ZBTB46: variants seen among roughly 807,000 people sequenced by gnomAD.
The protein encoded by ZBTB46 is zinc finger and BTB domain-containing protein 46.
Under a neutral mutation model 44.1 loss-of-function variants are expected in ZBTB46, and 8 were observed. The ratio of observed to expected loss-of-function variants is 0.18; its 90% confidence interval spans 0.11 to 0.33. ZBTB46 has a LOEUF of 0.33. Among genes scored for constraint, ZBTB46 ranks in the 10% least tolerant of loss-of-function variants. The probability of loss-of-function intolerance (pLI) is 1.00; values close to 1 mark genes in which losing one functional copy is unlikely to be tolerated. For missense variants in ZBTB46, 651 were observed against 847.7 expected (o/e 0.77, Z 2.88); for synonymous variants, 409 against 382.3 (o/e 1.07, Z -0.81).
At chr20:63,795,335 T>C (rs4809229) in intron 1 of ZBTB46, among the ~76,000 whole-genome samples, 27,465 of 152,216 alleles carry the variant, frequency 0.18, 3,090 homozygotes, top group East Asian at 0.44. Context: ...CGCATGGCTC[T>C]GCCTCAACCG....
intron 1 of ZBTB46, among the ~76,000 whole-genome samples, chr20:63,799,653 A>T (rs1324256150): frequency 3.3e-5 from 5 of 152,196 alleles, no homozygotes; most frequent in Non-Finnish European, 5.9e-5. Flanking sequence ...TAGCCTGGTG[A>T]AACTAATCTT....
intron 1 of ZBTB46, among the ~76,000 whole-genome samples, chr20:63,793,887 G>GA (rs1386555192): frequency 6.6e-6 from 1 of 152,098 alleles, no homozygotes; most frequent in Non-Finnish European, 1.5e-5. Context: ...TTTCATTTGG[G>GA]AAAAAAGTTA....
rs1204292916 is a variant in ZBTB46 at position 63,760,728 on chromosome 20, A to C, written c.1223-7867T>G. 2.0e-5 allele frequency among the ~76,000 whole-genome samples: 3 copies of C among 151,998 alleles called. 1 individual carries two copies. The highest frequency in any genetic ancestry group is 4.4e-5 in the Non-Finnish European group (3 of 67,972). On this transcript the variant is annotated intron_variant, in intron 3 of 4. Coordinates refer to ENST00000245663, the MANE Select transcript of ZBTB46 (RefSeq NM_001369741.1). ...TGCCTCGGCCTCTCAAAGTGCTGGG[A>C]TTACAGGCGTGAGCCACCGCGCCAG...
intron 1 of ZBTB46, among the ~76,000 whole-genome samples, chr20:63,801,378 G>A (rs904903878): frequency 3.3e-5 from 5 of 152,144 alleles, no homozygotes; most frequent in African/African-American, 1.2e-4. Context: ...GCACCAATCA[G>A]CACCCTGTCA....
intron 2 of ZBTB46, among the ~76,000 whole-genome samples, chr20:63,786,213 G>C (rs2092513136): frequency 6.6e-6 from 1 of 152,218 alleles, no homozygotes; most frequent in Middle Eastern, 3.2e-3. Flanking sequence ...GGAGCTAGTG[G>C]AAGATTATAA....
At chr20:63,794,084 G>A (rs1176563231) in intron 1 of ZBTB46, among the ~76,000 whole-genome samples, 3 of 151,824 alleles carry the variant, frequency 2.0e-5, no homozygotes, top group African/African-American at 4.8e-5. Context: ...TACTCAGGAG[G>A]CTGAGGCAGG....
Position 63,800,130 on chromosome 20 carries a change from C to G in ZBTB46, c.-33-9340G>C, listed in dbSNP as rs534302069. 1.5e-3 allele frequency among the ~76,000 whole-genome samples: 235 copies of G among 152,332 alleles called. 1 individual carries two copies. In the Middle Eastern group the frequency reaches 0.017, roughly 11 times the overall value. On this transcript the variant is annotated intron_variant, in intron 1 of 4. Transcript: ENST00000245663. ...GGCACAAGAAGGGGCTGCTGGGCTC[C>G]GTCCCGGCCTCGGCACCCTGGGGCA... is the stretch of plus-strand genomic sequence containing the variant.
chr20:63,829,115 G>C (rs11697257), intron 1 of ZBTB46, among the ~76,000 whole-genome samples: 42,036 of 152,148 alleles, frequency 0.28, 5,972 homozygotes, highest in Middle Eastern at 0.35. Flanking sequence ...CCGTTCACAG[G>C]GTTTACCTCC....
In ZBTB46 at chr20:63,790,451, T is replaced by C; in HGVS notation, c.307A>G (p.Ile103Val). 1.2e-6 allele frequency: 2 copies of C among 1,613,330 alleles called. No individual in the cohort carries two copies. Among genetic ancestry groups the C allele is most frequent in the Non-Finnish European group, 8.5e-7 (1 of 1,180,024 alleles). The stretch of plus-strand genomic sequence containing the variant: ...AAGCTGGCGGCTGACATCACCTCGA[T>C]GACGTTCCTGCTGGTGAGCGCCAGG... ...AHLALTSRNV[I>V]EVMSAASFLQ... The change falls in exon 2 of 5, where the codon ATC becomes GTC. Residue 103 changes from isoleucine to valine, a missense_variant. By Grantham distance (29) the Ile-to-Val change is conservative (BLOSUM62 3). This residue lies in a region of ZBTB46 where 65 missense variants were observed against 167.9 expected (regional missense o/e 0.39). Transcript: ENST00000245663.
intron 1 of ZBTB46, among the ~76,000 whole-genome samples, chr20:63,830,355 C>G (rs1185545406): frequency 6.6e-6 from 1 of 151,928 alleles, no homozygotes. Context: ...GAAACAAAGA[C>G]GCGGCTCGCA....
At chr20:63,794,110 C>T (rs544227395) in intron 1 of ZBTB46, among the ~76,000 whole-genome samples, 31 of 150,508 alleles carry the variant, frequency 2.1e-4, no homozygotes, top group East Asian at 9.8e-4. Flanking sequence ...AGCGTGAACC[C>T]GGGAGGCGGA....
intron 1 of ZBTB46, among the ~76,000 whole-genome samples, chr20:63,795,757 G>C (rs1043863384): frequency 2.0e-5 from 3 of 152,194 alleles, no homozygotes; most frequent in African/African-American, 7.2e-5. Context: ...CGGCAAACAG[G>C]CTCCGCCAAA....
chr20:63,791,954 G>A (rs964480657), intron 1 of ZBTB46, among the ~76,000 whole-genome samples: 3 of 152,134 alleles, frequency 2.0e-5, no homozygotes, highest in African/African-American at 2.4e-5. Flanking sequence ...TCAGGATGTC[G>A]GCCGAGCTGG....
intron 3 of ZBTB46, among the ~76,000 whole-genome samples, chr20:63,763,480 G>A (rs1408377659): frequency 2.0e-5 from 3 of 152,178 alleles, no homozygotes; most frequent in Admixed American, 6.5e-5. Flanking sequence ...GGCAGAAGTC[G>A]AAGAGGGAGC....
intron 1 of ZBTB46, among the ~76,000 whole-genome samples, chr20:63,805,643 G>A (rs2092676389): frequency 1.3e-5 from 2 of 152,166 alleles, no homozygotes; most frequent in Admixed American, 1.3e-4. Context: ...GAGTTCCAGC[G>A]CTGGACTCTG....
In ZBTB46 at chr20:63,787,814, A is replaced by AT. The variant is rs1486107789; in HGVS notation, c.937+2006dup. Reference sequence around the variant, plus strand: ...CTACCACAATGATAAAAGTTAACGTATTATCGAGCTGTGTTCACTCCCGGC... The same window carrying AT: ...CTACCACAATGATAAAAGTTAACGTATTTATCGAGCTGTGTTCACTCCCGGC... On this transcript the variant is annotated intron_variant, in intron 2 of 4. Coordinates refer to ENST00000245663, the MANE Select transcript of ZBTB46 (RefSeq NM_001369741.1). The surrounding 1 kb of genome is among the most constrained non-coding windows in gnomAD (Gnocchi z 4.6). 6.6e-6 allele frequency: 1 copy of AT among 152,244 alleles called. No homozygotes were observed. The highest frequency in any genetic ancestry group is 2.4e-5 in the African/African-American group (1 of 41,458). The allele number at this position is 152,244 out of a possible 1,614,324, so 9.4% of individuals were successfully genotyped here.
intron 3 of ZBTB46, among the ~76,000 whole-genome samples, chr20:63,757,189 T>A: frequency 6.6e-6 from 1 of 152,174 alleles, no homozygotes; most frequent in East Asian, 1.9e-4. Flanking sequence ...AGTGGTGCGA[T>A]CTCAACTCAC....
intron 3 of ZBTB46, among the ~76,000 whole-genome samples, chr20:63,762,530 T>C (rs2092285808): frequency 6.6e-6 from 1 of 152,086 alleles, no homozygotes; most frequent in African/African-American, 2.4e-5. Flanking sequence ...GGCACGCGCC[T>C]GTACTGCCAG....
At chr20:63,807,760 C>T (rs2092690530) in intron 1 of ZBTB46, among the ~76,000 whole-genome samples, 2 of 152,384 alleles carry the variant, frequency 1.3e-5, no homozygotes, top group East Asian at 1.9e-4. Context: ...ACAAGCGAAG[C>T]ACCCGTCTGT....
Sources: allele counts gnomAD v4.1 joint callset (sites outside exome capture counted in the v4.1 genomes callset), GRCh38; gene constraint gnomAD v4.1.1; regional missense constraint gnomAD v4.1.1; non-coding constraint Gnocchi (gnomAD v3.1); transcripts MANE v1.5; gene names NCBI Gene and HGNC (gene_info 2026-07-23, HGNC 2026-07-21).